The following CEP83 variants were observed in gnomAD, a reference collection of about 807,000 sequenced individuals.
CEP83 encodes the protein centrosomal protein 83, also known as centrosomal protein of 83 kDa.
A neutral mutation model predicts 101.9 loss-of-function variants in CEP83; 70 were observed. That is an observed-to-expected ratio of 0.69 (90% CI 0.57 to 0.84). CEP83 has a LOEUF of 0.84. Among genes scored for constraint, CEP83 ranks in the 40% least tolerant of loss-of-function variants. The pLI is 0.00. For synonymous variants in CEP83, 264 were observed against 267.9 expected (o/e 0.99, Z 0.14); for missense variants, 715 against 787.2 (o/e 0.91, Z 1.10).
intron 6 of CEP83, among the ~76,000 whole-genome samples, chr12:94,392,730 T>C (rs1045201442): frequency 6.6e-6 from 1 of 151,874 alleles, no homozygotes; most frequent in African/African-American, 2.4e-5. Context: ...TCAACAAAAT[T>C]GATAAACTGC....
intron 6 of CEP83, among the ~76,000 whole-genome samples, chr12:94,396,721 A>G (rs1489919388): frequency 2.6e-5 from 4 of 152,184 alleles, no homozygotes; most frequent in Non-Finnish European, 4.4e-5. Context: ...AAATCTTCCT[A>G]AAGTATTCCC....
the CEP83 span, among the ~76,000 whole-genome samples, chr12:94,295,035 A>G: frequency 6.6e-6 from 1 of 152,222 alleles, no homozygotes; most frequent in Non-Finnish European, 1.5e-5. Context: ...GGGAAAGTCA[A>G]TAGGCTGGTC....
intron 14 of CEP83, among the ~76,000 whole-genome samples, chr12:94,329,847 A>G (rs2059130230): frequency 6.6e-6 from 1 of 152,230 alleles, no homozygotes; most frequent in Admixed American, 6.5e-5. Flanking sequence ...ATATTTGGGT[A>G]TAAAACACTG....
At chr12:94,384,177 G>C (rs1205867020) in intron 6 of CEP83, among the ~76,000 whole-genome samples, 1 of 152,098 alleles carries the variant, frequency 6.6e-6, no homozygotes, top group East Asian at 1.9e-4. Context: ...AGAATGTCTT[G>C]ATTTCCCCTA....
chr12:94,283,239 G>GGAGGTTATGACTGAACTGAGAGCTA, the CEP83 span, among the ~76,000 whole-genome samples: 4 of 152,200 alleles, frequency 2.6e-5, no homozygotes, highest in Non-Finnish European at 5.9e-5. Context: ...GCTTCCTGGA[G>GGAGGTTATGACTGAACTGAGAGCTA]GAGGTTATGA....
chr12:94,410,279 A>G (rs900250711), intron 4 of CEP83, among the ~76,000 whole-genome samples: 1 of 152,220 alleles, frequency 6.6e-6, no homozygotes, highest in South Asian at 2.1e-4. Flanking sequence ...AATATTTACT[A>G]TGTGGAAAGT....
chr12:94,447,169 T>C (rs1258026352), intron 1 of CEP83, among the ~76,000 whole-genome samples: 1 of 152,120 alleles, frequency 6.6e-6, no homozygotes, highest in Non-Finnish European at 1.5e-5. Flanking sequence ...AGACATGCCT[T>C]ATGAGAAATA....
chr12:94,380,123 G>A (rs568933402), intron 6 of CEP83, among the ~76,000 whole-genome samples: 11 of 145,548 alleles, frequency 7.6e-5, no homozygotes, highest in Non-Finnish European at 1.5e-4. Context: ...CTAAAGAAAT[G>A]CTCCAAAACC....
At chr12:94,314,765 G>A (rs953558922) in intron 14 of CEP83, among the ~76,000 whole-genome samples, 1 of 152,116 alleles carries the variant, frequency 6.6e-6, no homozygotes, top group Non-Finnish European at 1.5e-5. Context: ...CACTCTTCTG[G>A]TTTTTATCAC....
rs561022932 is a variant in CEP83, at chr12:94,308,714, G to C, written c.*99C>G. ...TTCTTGAGGCACATTCAAGTGTTTT[G>C]GCAAACAGTAAAAAGTATCTAAATG... On this transcript the variant is annotated 3_prime_UTR_variant, in exon 17 of 17. Coordinates refer to ENST00000397809, the MANE Select transcript of CEP83 (RefSeq NM_016122.3). The C allele has an allele frequency of 2.2e-5, 17 of 759,378 alleles. No individual in the cohort carries two copies. In the African/African-American group the frequency reaches 2.8e-4, roughly 12 times the overall value. The allele number at this position is 759,378 out of a possible 1,614,324, so 47.0% of individuals were successfully genotyped here. A position where few individuals can be genotyped will look rare whatever the true frequency, so the allele number is the denominator to read the frequency against.
the CEP83 span, among the ~76,000 whole-genome samples, chr12:94,299,247 A>C: frequency 1.3e-5 from 2 of 152,210 alleles, no homozygotes; most frequent in Non-Finnish European, 2.9e-5. Context: ...AGAATTAGCC[A>C]AAAGTTTGTG....
At chr12:94,332,472 G>T (rs531171429) in intron 13 of CEP83, among the ~76,000 whole-genome samples, 6 of 151,942 alleles carry the variant, frequency 3.9e-5, no homozygotes, top group Non-Finnish European at 8.8e-5. Flanking sequence ...ATCTTAGCTG[G>T]AACTAAAATC....
chr12:94,321,840 A>G (rs2058757449), intron 14 of CEP83, among the ~76,000 whole-genome samples: 1 of 151,918 alleles, frequency 6.6e-6, no homozygotes, highest in Non-Finnish European at 1.5e-5. Context: ...CTGGAGATTC[A>G]GGTTGGGAGG....
intron 2 of CEP83, chr12:94,423,886 A>T: frequency 6.2e-7 from 1 of 1,612,048 alleles, no homozygotes; most frequent in Non-Finnish European, 8.5e-7. Context: ...CTCCTTGCAT[A>T]GCTGCAGCCG....
intron 8 of CEP83, among the ~76,000 whole-genome samples, chr12:94,375,051 CCGG>C (rs1256686759): frequency 1.3e-5 from 2 of 152,050 alleles, no homozygotes; most frequent in African/African-American, 4.8e-5. Context: ...CTACTATGTG[CCGG>C]CACCATTCTA....
intron 15 of CEP83, among the ~76,000 whole-genome samples, chr12:94,310,980 C>T (rs1395205260): frequency 6.6e-6 from 1 of 152,086 alleles, no homozygotes; most frequent in Non-Finnish European, 1.5e-5. Context: ...CAGGATGGGG[C>T]AGGTCACCAG....
At chr12:94,325,250 C>A (rs559734753) in intron 14 of CEP83, among the ~76,000 whole-genome samples, 1 of 151,810 alleles carries the variant, frequency 6.6e-6, no homozygotes, top group Non-Finnish European at 1.5e-5. Flanking sequence ...CCGCTCACTG[C>A]AACCTCTGCC....
At chr12:94,358,418 G>C (rs2060582967) in intron 11 of CEP83, among the ~76,000 whole-genome samples, 1 of 152,156 alleles carries the variant, frequency 6.6e-6, no homozygotes, top group Non-Finnish European at 1.5e-5. Context: ...AAACATTAGG[G>C]AAAAATTTTT....
Position 94,406,825 on chromosome 12 carries a change from G to A in CEP83, c.325-3563C>T, listed in dbSNP as rs563921086. On this transcript the variant is annotated intron_variant, in intron 4 of 16. Transcript: ENST00000397809. Reference sequence around the variant, plus strand: ...ACCTATAGTCCCAGCTACTCAGGAGGCTAAGGCAGTAGAATGGTATGAACA... The same window carrying A: ...ACCTATAGTCCCAGCTACTCAGGAGACTAAGGCAGTAGAATGGTATGAACA... Among the ~76,000 whole-genome samples, 5 of 151,876 alleles carry A rather than the reference G, an allele frequency of 3.3e-5. No homozygotes were observed. In the East Asian group the frequency reaches 5.8e-4, roughly 18 times the overall value.
Sources: allele counts gnomAD v4.1 joint callset (sites outside exome capture counted in the v4.1 genomes callset), GRCh38; gene constraint gnomAD v4.1.1; transcripts MANE v1.5; gene names NCBI Gene and HGNC (gene_info 2026-07-23, HGNC 2026-07-21).